Variants in GLCCI1 observed in about 807,000 individuals in gnomAD.
The protein encoded by GLCCI1 is glucocorticoid-induced transcript 1 protein.
A neutral mutation model predicts 52.2 loss-of-function variants in GLCCI1; 24 were observed. The ratio of observed to expected loss-of-function variants is 0.46; its 90% CI spans 0.33 to 0.65. The LOEUF is 0.65. Among genes scored for constraint, GLCCI1 ranks in the 30% least tolerant of loss-of-function variants. The pLI is 0.02. For missense variants in GLCCI1, 704 were observed against 701.5 expected, an observed-to-expected ratio of 1.00 and a Z score of -0.04; for synonymous variants, 310 against 276.5, an observed-to-expected ratio of 1.12 and a Z score of -1.20.
intron 5 of GLCCI1, among the ~76,000 whole-genome samples, chr7:8,064,938 G>A (rs1457508362): frequency 1.3e-5 from 2 of 152,120 alleles, no homozygotes; most frequent in South Asian, 2.1e-4. Context: ...GGATGGTCTC[G>A]ATCTCCTGAC....
rs58360790 is a variant in GLCCI1, at chr7:8,088,240, TTGTG to T, written c.*1730_*1733del. 0.086 allele frequency: 12,613 copies of T among 147,398 alleles called. 594 individuals are homozygous for T. Among genetic ancestry groups the T allele is most frequent in the Non-Finnish European group, 0.11 (7,595 of 66,726 alleles). 9.1% of individuals were successfully genotyped at this position (147,398 alleles called of 1,614,324 possible). A position where few individuals can be genotyped will look rare whatever the true frequency, so the allele number is the denominator to read the frequency against. The stretch of plus-strand genomic sequence containing the variant: ...AGAAATGATATATATATGTATATGT[TTGTG>T]TGTGTGTGTGTGTGTGTGTGTGTGT... On this transcript the variant is annotated 3_prime_UTR_variant, in exon 8 of 8. Transcript: ENST00000223145.
rs1005793290 is a variant in GLCCI1, at chr7:7,984,655, A to T, written c.457+14848A>T. Among the ~76,000 whole-genome samples the T allele has an allele frequency of 2.6e-5, 4 of 152,380 alleles. No homozygotes were observed. In the East Asian group the frequency reaches 7.7e-4, roughly 29 times the overall value. On this transcript the variant is annotated intron_variant, in intron 1 of 7. Transcript: ENST00000223145. Reference sequence around the variant, plus strand: ...AACTTTTTAGGAAGTCAGTTACACAAGGTTGAGGTTCATCTGAGGTTGTAA... The same window carrying T: ...AACTTTTTAGGAAGTCAGTTACACATGGTTGAGGTTCATCTGAGGTTGTAA...
intron 1 of GLCCI1, among the ~76,000 whole-genome samples, chr7:7,993,617 C>G (rs1780887277): frequency 6.6e-6 from 1 of 152,128 alleles, no homozygotes; most frequent in South Asian, 2.1e-4. Context: ...CATCAGAAGC[C>G]TGGGTACATT....
intron 3 of GLCCI1, among the ~76,000 whole-genome samples, chr7:8,033,631 A>G (rs913160543): frequency 7.9e-5 from 12 of 152,126 alleles, no homozygotes; most frequent in African/African-American, 2.2e-4. Context: ...TAAGAAAACA[A>G]TTTATTCACA....
At chr7:8,069,594 G>A (rs1782708496) in intron 5 of GLCCI1, among the ~76,000 whole-genome samples, 1 of 152,140 alleles carries the variant, frequency 6.6e-6, no homozygotes, top group African/African-American at 2.4e-5. Flanking sequence ...GAGGACATGG[G>A]CTCCTCTCTG....
chr7:8,040,966 A>G (rs754939330), intron 3 of GLCCI1, among the ~76,000 whole-genome samples: 5 of 152,198 alleles, frequency 3.3e-5, no homozygotes, highest in African/African-American at 1.2e-4. Context: ...TGAGAGAGTC[A>G]TACCTCTCTC....
intron 3 of GLCCI1, among the ~76,000 whole-genome samples, chr7:8,039,336 A>G (rs1171328326): frequency 1.3e-5 from 2 of 152,180 alleles, no homozygotes; most frequent in South Asian, 2.1e-4. Flanking sequence ...AAGATAAGGA[A>G]TTAAGTTCAC....
rs1783156937 is a variant in GLCCI1, at chr7:8,088,145, T to C, written c.*1607T>C. The C allele has an allele frequency of 6.6e-6, 1 of 152,170 alleles. No homozygotes were observed. Among genetic ancestry groups the C allele is most frequent in the Non-Finnish European group, 1.5e-5 (1 of 67,886 alleles). The allele number at this position is 152,170 out of a possible 1,614,324, so 9.4% of individuals were successfully genotyped here. A position where few individuals can be genotyped will look rare whatever the true frequency, so the allele number is the denominator to read the frequency against. ...TTTCATTCATTCCTGGGTTTTTCTT[T>C]TATTTTCTAAGAAGGTTGAAGAAGG... is the stretch of plus-strand genomic sequence containing the variant. On this transcript the variant is annotated 3_prime_UTR_variant, in exon 8 of 8. Coordinates refer to ENST00000223145, the MANE Select transcript of GLCCI1 (RefSeq NM_138426.4).
intron 1 of GLCCI1, among the ~76,000 whole-genome samples, chr7:7,996,203 A>G (rs1433437611): frequency 6.6e-6 from 1 of 152,142 alleles, no homozygotes; most frequent in Non-Finnish European, 1.5e-5. Context: ...GTAGTTGCTA[A>G]TACTTTGTGA....
chr7:8,005,039 G>A (rs915820746), intron 2 of GLCCI1, among the ~76,000 whole-genome samples: 3 of 152,090 alleles, frequency 2.0e-5, no homozygotes, highest in Non-Finnish European at 4.4e-5. Flanking sequence ...GTTTTATGCT[G>A]CTCTACTCTT....
At chr7:8,044,045 C>A (rs1319820457) in intron 3 of GLCCI1, among the ~76,000 whole-genome samples, 2 of 151,644 alleles carry the variant, frequency 1.3e-5, no homozygotes, top group Non-Finnish European at 2.9e-5. Flanking sequence ...CCCGGGTTCA[C>A]ACCATTCTCC....
At chr7:8,038,576 A>T (rs139260509) in intron 3 of GLCCI1, among the ~76,000 whole-genome samples, 4 of 152,184 alleles carry the variant, frequency 2.6e-5, no homozygotes, top group African/African-American at 9.7e-5. Flanking sequence ...AACTGAACCT[A>T]TATCTCTTAT....
chr7:7,980,791 T>G, intron 1 of GLCCI1: 1 of 693,068 alleles, frequency 1.4e-6, no homozygotes, highest in Non-Finnish European at 2.7e-6. Context: ...ACAGAAGGCA[T>G]TGACATAATT....
intron 1 of GLCCI1, among the ~76,000 whole-genome samples, chr7:7,974,483 T>G (rs1175351761): frequency 6.6e-6 from 1 of 152,164 alleles, no homozygotes; most frequent in African/African-American, 2.4e-5. Context: ...AAGGACTTAA[T>G]GCAAATTAGG....
At chr7:8,032,789 C>G (rs1187436080) in intron 3 of GLCCI1, among the ~76,000 whole-genome samples, 1 of 151,680 alleles carries the variant, frequency 6.6e-6, no homozygotes, top group Non-Finnish European at 1.5e-5. Flanking sequence ...CAGAGACTAT[C>G]CCGGGGTCAC....
intron 1 of GLCCI1, chr7:7,970,386 C>G: frequency 6.7e-6 from 1 of 150,072 alleles, no homozygotes; most frequent in Admixed American, 6.6e-5. Context: ...TCCCTCTCCC[C>G]CAGCCCCCCG....
chr7:8,003,886 TC>T (rs1305287488), intron 1 of GLCCI1, 21 bp from the exon 2 acceptor site: 1 of 1,598,226 alleles, frequency 6.3e-7, no homozygotes, highest in South Asian at 1.1e-5. Context: ...TAATGACTAA[TC>T]TTTTTTTTCA....
intron 1 of GLCCI1, among the ~76,000 whole-genome samples, chr7:8,002,430 T>A (rs1015036687): frequency 6.6e-6 from 1 of 152,198 alleles, no homozygotes; most frequent in Non-Finnish European, 1.5e-5. Flanking sequence ...TTCCATTAGA[T>A]TCTCTGCCTT....
At chr7:8,057,024 TA>T (rs1782413397) in intron 4 of GLCCI1, among the ~76,000 whole-genome samples, 1 of 152,198 alleles carries the variant, frequency 6.6e-6, no homozygotes, top group Non-Finnish European at 1.5e-5. Flanking sequence ...ATAGGATAGC[TA>T]AAATGAAAAA....
Sources: allele counts gnomAD v4.1 joint callset (sites outside exome capture counted in the v4.1 genomes callset), GRCh38; gene constraint gnomAD v4.1.1; transcripts MANE v1.5; gene names NCBI Gene and HGNC (gene_info 2026-07-23, HGNC 2026-07-21).